Variants in BLK observed in about 807,000 individuals in gnomAD.
The protein encoded by BLK is BLK proto-oncogene, Src family tyrosine kinase, also known as tyrosine-protein kinase Blk.
In BLK, 64 loss-of-function variants were observed where a neutral mutation model predicts 61.8. That is an observed-to-expected ratio of 1.03 (90% confidence interval 0.85 to 1.27). The LOEUF (loss-of-function observed/expected upper bound fraction) is 1.27. Among genes scored for constraint, BLK ranks in the 50% most tolerant of loss-of-function variants. The pLI is 0.00. For synonymous variants in BLK, 351 were observed against 272.0 expected (o/e 1.29, Z -2.86); for missense variants, 853 against 660.5 (o/e 1.29, Z -3.19).
chr8:11,496,771 C>T (rs1798374391), intron 1 of BLK, among the ~76,000 whole-genome samples: 1 of 152,222 alleles, frequency 6.6e-6, no homozygotes, highest in Admixed American at 6.5e-5. Flanking sequence ...AATCTGCCGT[C>T]CTCTGGGCTC....
chr8:11,550,702 A>G (rs764422582), intron 6 of BLK, among the ~76,000 whole-genome samples: 3 of 152,268 alleles, frequency 2.0e-5, no homozygotes, highest in Non-Finnish European at 4.4e-5. Context: ...GTGATGTAAG[A>G]GAAGAGGGTG....
intron 10 of BLK, among the ~76,000 whole-genome samples, chr8:11,559,491 T>A (rs1348936029): frequency 1.4e-5 from 2 of 144,230 alleles, no homozygotes; most frequent in African/African-American, 5.2e-5. Flanking sequence ...ACAAACACAT[T>A]TACACAAACT....
chr8:11,497,822 C>T, intron 1 of BLK, among the ~76,000 whole-genome samples: 1 of 152,218 alleles, frequency 6.6e-6, no homozygotes, highest in South Asian at 2.1e-4. Flanking sequence ...CTGGCACATT[C>T]CACTTCCTGT....
chr8:11,516,960 A>G (rs1563432230), intron 1 of BLK, among the ~76,000 whole-genome samples: 2 of 152,230 alleles, frequency 1.3e-5, no homozygotes, highest in African/African-American at 4.8e-5. Flanking sequence ...TTGCTGGATC[A>G]TATGGTAATT....
intron 1 of BLK, among the ~76,000 whole-genome samples, chr8:11,520,087 T>A (rs895033058): frequency 2.6e-5 from 4 of 152,060 alleles, no homozygotes; most frequent in Non-Finnish European, 4.4e-5. Flanking sequence ...TAATATAGAG[T>A]CAAAAATACT....
chr8:11,528,737 T>C (rs1799774854), intron 1 of BLK, among the ~76,000 whole-genome samples: 1 of 152,156 alleles, frequency 6.6e-6, no homozygotes, highest in South Asian at 2.1e-4. Context: ...TCCACAGATT[T>C]AGTACAGCAT....
At chr8:11,523,529 G>C (rs1316253508) in intron 1 of BLK, among the ~76,000 whole-genome samples, 1 of 152,162 alleles carries the variant, frequency 6.6e-6, no homozygotes, top group Non-Finnish European at 1.5e-5. Flanking sequence ...CACCAGCCTG[G>C]ATGGCAGAGC....
chr8:11,496,515 T>C (rs769204800), intron 1 of BLK, among the ~76,000 whole-genome samples: 5 of 152,244 alleles, frequency 3.3e-5, no homozygotes, highest in Non-Finnish European at 5.9e-5. Flanking sequence ...AGTGCTGGGA[T>C]TGCAGGCATG....
rs1801174678 is a variant in BLK, at chr8:11,555,622, C to T, written c.772+138C>T. ...GGGAGCGAGGACAGAGGCGAGGACA[C>T]TCATTTTACAGAGGAGGAAGTGGAG... On this transcript the variant is annotated intron_variant, in intron 8 of 12. Coordinates refer to ENST00000259089, the MANE Select transcript of BLK (RefSeq NM_001715.3). The T allele has an allele frequency of 5.9e-6, 8 of 1,357,710 alleles. No individual in the cohort carries two copies. In the Admixed American group the frequency reaches 9.8e-5, roughly 17 times the overall value. The allele number at this position is 1,357,710 out of a possible 1,614,324, so 84.1% of individuals were successfully genotyped here.
At chr8:11,520,257 G>A (rs759501354) in intron 1 of BLK, among the ~76,000 whole-genome samples, 15 of 151,902 alleles carry the variant, frequency 9.9e-5, no homozygotes, top group African/African-American at 3.1e-4. Flanking sequence ...TAGGAGGATC[G>A]CTTGAGCCCA....
chr8:11,519,924 C>T (rs1799374156), intron 1 of BLK, among the ~76,000 whole-genome samples: 1 of 152,152 alleles, frequency 6.6e-6, no homozygotes, highest in Non-Finnish European at 1.5e-5. Flanking sequence ...ACAGAGATTG[C>T]CTCTGGGTAT....
At chr8:11,517,877 T>C (rs892898903) in intron 1 of BLK, among the ~76,000 whole-genome samples, 2 of 152,124 alleles carry the variant, frequency 1.3e-5, no homozygotes, top group South Asian at 2.1e-4. Flanking sequence ...AGAGCTGAAA[T>C]TGACTTCTTG....
In BLK at chr8:11,543,171, G is replaced by A. The variant is rs2245250; in HGVS notation, c.-1-53G>A. 0.46 allele frequency: 733,793 copies of A among 1,610,296 alleles called. 176,966 individuals are homozygous for A. Among genetic ancestry groups the A allele is most frequent in the Non-Finnish European group, 0.5 (591,094 of 1,178,744 alleles). On this transcript the variant is annotated intron_variant, in intron 1 of 12. Coordinates refer to ENST00000259089, the MANE Select transcript of BLK (RefSeq NM_001715.3). ...GGGCCAGGGATCCCCTCTGTGCAGA[G>A]GATCTGAGGCCCCGCTCTCTCATGT... is the stretch of plus-strand genomic sequence containing the variant.
At chr8:11,555,520 C>A (rs1021619836) in intron 8 of BLK, 36 bp downstream of exon 8, 5 of 1,613,706 alleles carry the variant, frequency 3.1e-6, no homozygotes, top group Non-Finnish European at 4.2e-6. Flanking sequence ...TTTCTCCCCC[C>A]ATTCCACCTG....
Position 11,537,992 on chromosome 8 carries a change from T to A in BLK, c.-1-5232T>A, listed in dbSNP as rs1339546793. 2.0e-5 allele frequency among the ~76,000 whole-genome samples: 3 copies of A among 152,038 alleles called. No individual in the cohort carries two copies. In the South Asian group the frequency reaches 6.2e-4, roughly 32 times the overall value. On this transcript the variant is annotated intron_variant, in intron 1 of 12. Coordinates refer to ENST00000259089, the MANE Select transcript of BLK (RefSeq NM_001715.3). ...TCCCCTTTCCCACTTCCCCTCCTCTTGCTGACTCCCCCGACTAGACACACA... is the reference window on the plus strand; with the variant it reads ...TCCCCTTTCCCACTTCCCCTCCTCTAGCTGACTCCCCCGACTAGACACACA...
intron 3 of BLK, among the ~76,000 whole-genome samples, chr8:11,547,316 C>T (rs892224710): frequency 6.6e-6 from 1 of 152,264 alleles, no homozygotes; most frequent in Non-Finnish European, 1.5e-5. Context: ...AGCTCAGTGA[C>T]AGAGCGGAGC....
intron 6 of BLK, among the ~76,000 whole-genome samples, chr8:11,552,158 T>C (rs753247616): frequency 6.6e-6 from 1 of 152,192 alleles, no homozygotes; most frequent in Admixed American, 6.5e-5. Flanking sequence ...CCTTGGGCTG[T>C]CCATTGGTTC....
rs538006796 is a variant in BLK, at chr8:11,547,620, C to T, written c.176-412C>T. ...CACCCCTACTGGGGATAGAGGCAGG[C>T]GGGGCAGAGGAGGAAAAGGATAAGA... On this transcript the variant is annotated intron_variant, in intron 3 of 12. Transcript: ENST00000259089. 1.3e-3 allele frequency among the ~76,000 whole-genome samples: 201 copies of T among 152,298 alleles called. 2 individuals carry two copies. The highest frequency in any genetic ancestry group is 3.9e-4 in the East Asian group (2 of 5,180).
At position 11,564,101 on chromosome 8, in the gene BLK, A is replaced by G. The variant is rs1386746636; in HGVS notation, c.1511A>G (p.Gln504Arg). The change falls in exon 13 of 13, where the codon CAG becomes CGG. Residue 504 changes from glutamine to arginine, a missense_variant. Gln to Arg is a conservative substitution (Grantham distance 43). Coordinates refer to ENST00000259089, the MANE Select transcript of BLK (RefSeq NM_001715.3). The stretch of plus-strand genomic sequence containing the variant: ...GCCACCGAGCGGCAGTACGAGCTGC[A>G]GCCCTAGCCGGCCGCGCCCGCCTGC... ...YTATERQYELQP is the reference protein window; with the variant it reads ...YTATERQYELRP The G allele has an allele frequency of 1.3e-6, 2 of 1,568,466 alleles. No individual in the cohort carries two copies. Among genetic ancestry groups the G allele is most frequent in the African/African-American group, 1.3e-5 (1 of 74,122 alleles).
Sources: gnomAD v4.1 joint callset for allele counts (sites outside exome capture counted in the v4.1 genomes callset) on GRCh38, gnomAD v4.1.1 for gene constraint, MANE v1.5 for transcripts, NCBI Gene and HGNC (gene_info 2026-07-23, HGNC 2026-07-21) for gene names.